Variants in STRADA observed in about 807,000 individuals in gnomAD.
STRADA encodes the protein STE20 related adaptor alpha, also known as STE20-related kinase adapter protein alpha.
STRADA carries 26 observed loss-of-function variants against 55.0 expected under a neutral mutation model. That is an observed-to-expected ratio of 0.47 (90% CI 0.35 to 0.66). The LOEUF is 0.66. Ranked by LOEUF, STRADA falls within the 30% of genes least tolerant of loss-of-function variation. The pLI is 0.01. For synonymous variants in STRADA, 197 were observed against 210.9 expected, an observed-to-expected ratio of 0.93 and a Z score of 0.57; for missense variants, 443 against 549.7, an observed-to-expected ratio of 0.81 and a Z score of 1.94.
intron 5 of STRADA, 75 bp downstream of exon 5, chr17:63,713,931 A>T: frequency 8.1e-7 from 1 of 1,232,530 alleles, no homozygotes; most frequent in Non-Finnish European, 1.2e-6. Context: ...CTGTACACAC[A>T]TCTGGGGCTG....
intron 12 of STRADA, 49 bp from the exon 13 acceptor site, chr17:63,703,800 C>T: frequency 1.2e-6 from 2 of 1,609,548 alleles, no homozygotes; most frequent in African/African-American, 2.7e-5. Flanking sequence ...CTCTGGGTCC[C>T]AGGACACCAT....
chr17:63,725,403 G>A (rs2037579375), intron 3 of STRADA, among the ~76,000 whole-genome samples: 1 of 152,056 alleles, frequency 6.6e-6, no homozygotes, highest in African/African-American at 2.4e-5. Flanking sequence ...CCAGGCTGGA[G>A]TGCAATGGCG....
At chr17:63,732,152 G>A (rs893703717) in intron 1 of STRADA, among the ~76,000 whole-genome samples, 3 of 152,130 alleles carry the variant, frequency 2.0e-5, no homozygotes, top group African/African-American at 7.2e-5. Context: ...ACAGGCGTGA[G>A]CCACCGCGCC....
chr17:63,719,775 C>T (rs1007514940), intron 4 of STRADA, among the ~76,000 whole-genome samples: 2 of 152,184 alleles, frequency 1.3e-5, no homozygotes, highest in African/African-American at 2.4e-5. Context: ...TGAGCCATGG[C>T]GCCCGGCAGA....
chr17:63,726,980 G>T, intron 2 of STRADA: 6 of 423,922 alleles, frequency 1.4e-5, no homozygotes, highest in Non-Finnish European at 1.7e-5. Context: ...TCCCTATATT[G>T]GTTCCATCTT....
At chr17:63,732,433 C>T (rs2038131318) in intron 1 of STRADA, among the ~76,000 whole-genome samples, 1 of 151,996 alleles carries the variant, frequency 6.6e-6, no homozygotes, top group Non-Finnish European at 1.5e-5. Flanking sequence ...AATCCTCCTA[C>T]CTCAGCCTTC....
intron 1 of STRADA, among the ~76,000 whole-genome samples, chr17:63,737,875 T>G (rs1217013158): frequency 3.3e-5 from 5 of 151,910 alleles, no homozygotes; most frequent in African/African-American, 1.2e-4. Context: ...TGGTCCCAGC[T>G]ACTCAGGAGG....
intron 1 of STRADA, among the ~76,000 whole-genome samples, chr17:63,740,145 TATACAC>T (rs1198885119): frequency 0.018 from 768 of 42,844 alleles, 32 homozygotes; most frequent in African/African-American, 0.052. Flanking sequence ...CATATATATA[TATACAC>T]ACACACACAC....
rs772062217 is a variant in STRADA, at chr17:63,704,041, A to C, written c.1107T>G (p.Ser369Arg). Residue 369 changes from serine (S) to arginine (R), a missense_variant, in exon 12 of 13, where the codon AGT (serine) becomes AGG (arginine). Physicochemically the swap from Ser to Arg is moderately radical, Grantham distance 110. Transcript: ENST00000336174. ...AAGAGTGGTTCAGGAGGGTGCTGGC[A>C]CTGGGCCTGGAGGGAAAGGGGAGGA... ...CLQRNPDARP[S>R]ASTLLNHSFF... 5.6e-6 allele frequency: 9 copies of C among 1,613,718 alleles called. 1 individual carries two copies. The South Asian group carries it at 7.7e-5, about 14-fold the overall frequency.
intron 1 of STRADA, among the ~76,000 whole-genome samples, chr17:63,730,184 G>T (rs575250174): frequency 6.6e-6 from 1 of 152,028 alleles, no homozygotes; most frequent in South Asian, 2.1e-4. Context: ...GTTAATAACT[G>T]CCTCATTTGT....
intron 1 of STRADA, among the ~76,000 whole-genome samples, chr17:63,733,365 T>TA (rs34048250): frequency 3.9e-5 from 6 of 151,976 alleles, no homozygotes; most frequent in African/African-American, 1.5e-4. Flanking sequence ...CTTTTTTTTT[T>TA]ATTTCCTTTT....
chr17:63,710,875 C>T (rs556468736), intron 6 of STRADA, 39 bp from the exon 7 acceptor site: 2 of 1,578,808 alleles, frequency 1.3e-6, no homozygotes, highest in East Asian at 2.2e-5. Context: ...AACCAAATGG[C>T]ACTGAAGGAT....
chr17:63,726,567 T>A (rs1598236423), intron 3 of STRADA, 71 bp downstream of exon 3: 1 of 1,478,644 alleles, frequency 6.8e-7, no homozygotes, highest in East Asian at 2.3e-5. Flanking sequence ...TTGCTATAGA[T>A]TGATTTAGTC....
intron 8 of STRADA, among the ~76,000 whole-genome samples, chr17:63,708,173 G>A (rs887932357): frequency 6.6e-6 from 1 of 152,030 alleles, no homozygotes; most frequent in Admixed American, 6.6e-5. Context: ...GAATCACCGT[G>A]ACCGGCCTAT....
chr17:63,730,964 T>G (rs1210475999), intron 1 of STRADA, among the ~76,000 whole-genome samples: 1 of 151,100 alleles, frequency 6.6e-6, no homozygotes, highest in African/African-American at 2.4e-5. Context: ...TCTTTTTTTT[T>G]GAGATGGAGT....
intron 1 of STRADA, among the ~76,000 whole-genome samples, chr17:63,734,418 G>T (rs994066857): frequency 2.6e-5 from 4 of 152,064 alleles, no homozygotes; most frequent in Non-Finnish European, 5.9e-5. Context: ...TGAGGCAGGC[G>T]GATCACTAGA....
rs2037763681 is a variant in STRADA at position 63,727,929 on chromosome 17, T to A, written c.36+405A>T. 2.6e-5 allele frequency: 4 copies of A among 156,780 alleles called. No homozygotes were observed. In the South Asian group the frequency reaches 8.2e-4, roughly 32 times the overall value. The allele number at this position is 156,780 out of a possible 1,614,324, so 9.7% of individuals were successfully genotyped here. ...AATAAAATCTTTCATGTTCAAAATGTCTTCAATTAAAACTAATGATATTAC... is the reference window on the plus strand; with the variant it reads ...AATAAAATCTTTCATGTTCAAAATGACTTCAATTAAAACTAATGATATTAC... On this transcript the variant is annotated intron_variant, in intron 2 of 12. Coordinates refer to ENST00000336174, the MANE Select transcript of STRADA (RefSeq NM_001003787.4).
At chr17:63,708,170 C>T (rs184716120) in intron 8 of STRADA, among the ~76,000 whole-genome samples, 2 of 151,270 alleles carry the variant, frequency 1.3e-5, no homozygotes, top group Admixed American at 6.6e-5. Flanking sequence ...TGTGAATCAC[C>T]GTGACCGGCC....
At chr17:63,734,256 T>G (rs951877780) in intron 1 of STRADA, among the ~76,000 whole-genome samples, 3 of 152,204 alleles carry the variant, frequency 2.0e-5, no homozygotes, top group African/African-American at 7.2e-5. Flanking sequence ...TCTAAGAAAC[T>G]TGTCACTGTT....
Sources: allele counts gnomAD v4.1 joint callset (sites outside exome capture counted in the v4.1 genomes callset), GRCh38; gene constraint gnomAD v4.1.1; transcripts MANE v1.5; gene names NCBI Gene and HGNC (gene_info 2026-07-23, HGNC 2026-07-21).